ITPR3: variants seen among roughly 807,000 people sequenced by gnomAD.
ITPR3 encodes inositol 1,4,5-trisphosphate receptor type 3, also known as inositol 1,4,5-trisphosphate-gated calcium channel ITPR3.
Under a neutral mutation model 293.2 loss-of-function variants are expected in ITPR3, and 173 were observed. The observed-to-expected ratio is 0.59, with a 90% confidence interval of 0.52 to 0.67. ITPR3 has a LOEUF of 0.67. Ranked by LOEUF, ITPR3 falls within the 30% of genes least tolerant of loss-of-function variation. The pLI is 0.00. For missense variants in ITPR3, 2,796 were observed against 3,592.1 expected, an observed-to-expected ratio of 0.78 and a Z score of 5.66; for synonymous variants, 1,295 against 1,444.4, an observed-to-expected ratio of 0.90 and a Z score of 2.35.
At position 33,658,107 on chromosome 6, in the gene ITPR3, C is replaced by T; in HGVS notation, c.369+89C>T. The T allele has an allele frequency of 1.8e-6, 2 of 1,135,394 alleles. No individual in the cohort carries two copies. Among genetic ancestry groups the T allele is most frequent in the Non-Finnish European group, 2.6e-6 (2 of 764,834 alleles). 70.3% of individuals were successfully genotyped at this position (1,135,394 alleles called of 1,614,324 possible). On this transcript the variant is annotated intron_variant, in intron 4 of 57. Transcript: ENST00000605930. The surrounding 1 kb of genome is among the most constrained non-coding windows in gnomAD (Gnocchi z 6.1). Reference sequence around the variant, plus strand: ...GGGTGAGGGCTGCCAGCAGGCATTGCCCTCTGTGCATGTGTGTCCCCGGGT... The same window carrying T: ...GGGTGAGGGCTGCCAGCAGGCATTGTCCTCTGTGCATGTGTGTCCCCGGGT...
Position 33,626,657 on chromosome 6 carries a change from G to A in ITPR3, c.89+4966G>A, listed in dbSNP as rs1324605677. Among the ~76,000 whole-genome samples the A allele has an allele frequency of 2.0e-5, 3 of 152,308 alleles. No homozygotes were observed. In the East Asian group the frequency reaches 5.8e-4, roughly 29 times the overall value. On this transcript the variant is annotated intron_variant, in intron 1 of 57. Transcript: ENST00000605930. ...TGTTTTAGGCACTGCAGAATCAGTG[G>A]TACCCAAGGCACAGGTCCAGCTTGT...
At chr6:33,647,064 T>C (rs1040279032) in intron 2 of ITPR3, among the ~76,000 whole-genome samples, 1 of 152,218 alleles carries the variant, frequency 6.6e-6, no homozygotes, top group Non-Finnish European at 1.5e-5. Flanking sequence ...TCTTGCTTTG[T>C]TGCCCAGGTC....
chr6:33,674,268 G>A lies in ITPR3; in HGVS notation c.3116+3G>A. 7 of 1,613,940 alleles carry A rather than the reference G, an allele frequency of 4.3e-6. No individual in the cohort carries two copies. Among genetic ancestry groups the A allele is most frequent in the Non-Finnish European group, 5.9e-6 (7 of 1,179,916 alleles). On this transcript the variant is annotated splice_donor_region_variant and intron_variant, in intron 24 of 57. Transcript: ENST00000605930. ...GCGGAGGCCATGTTTGGAGTGGGGT[G>A]AGGCCAGGGTTGAGCTGCAGGGGTG... is the stretch of plus-strand genomic sequence containing the variant.
In ITPR3 at chr6:33,690,117, C is replaced by T. The variant is rs147985768; in HGVS notation, c.6951C>T (p.Asp2317=). The T allele has an allele frequency of 7.7e-5, 125 of 1,614,064 alleles. No homozygotes were observed. Among genetic ancestry groups the T allele is most frequent in the Admixed American group, 1.2e-4 (7 of 60,008 alleles). The change falls in exon 51 of 58, where the codon GAC becomes GAT. Residue 2317 remains aspartate (D), a synonymous_variant. Coordinates refer to ENST00000605930, the MANE Select transcript of ITPR3 (RefSeq NM_002224.4). ...GGGGCTATAAGGCCATGGTCATGGA[C>T]ATGGAATTCCTCTACCACGTGGGCT... is the stretch of plus-strand genomic sequence containing the variant. ...FIRGYKAMVM[D]MEFLYHVGYI... is the part of the protein sequence containing the mutation.
Position 33,658,683 on chromosome 6 carries a change from A to C in ITPR3, c.383A>C (p.Lys128Thr). ...YGSVIQLLHM[K>T]SNKYLTVNKR... is the part of the protein sequence containing the mutation. The stretch of plus-strand genomic sequence containing the variant: ...CCTGACCCCCAGCTCCTGCACATGA[A>C]GAGCAACAAGTACCTGACAGTGAAC... The change falls in exon 5 of 58, where the codon AAG becomes ACG. Residue 128 changes from lysine to threonine, a missense_variant. Physicochemically the swap from Lys to Thr is moderately conservative, Grantham distance 78 (BLOSUM62 -1). Transcript: ENST00000605930. The surrounding 1 kb of genome is among the most constrained non-coding windows in gnomAD (Gnocchi z 6.1). The C allele has an allele frequency of 6.2e-7, 1 of 1,614,078 alleles. No individual in the cohort carries two copies.
intron 8 of ITPR3, 26 bp from the exon 9 acceptor site, chr6:33,662,885 C>A: frequency 6.4e-7 from 1 of 1,566,408 alleles, no homozygotes; most frequent in Non-Finnish European, 8.7e-7. Flanking sequence ...GTCTCTCCTT[C>A]CTGCCTCACA....
Position 33,673,704 on chromosome 6 carries a change from T to C in ITPR3, c.3042T>C (p.Pro1014=), listed in dbSNP as rs757350272. The change falls in exon 23 of 58, where the codon CCT becomes CCC. Residue 1014 remains proline (P), a synonymous_variant. Coordinates refer to ENST00000605930, the MANE Select transcript of ITPR3 (RefSeq NM_002224.4). ...MQDSGADGTA[P]AFDSTTANMN... Reference sequence around the variant, plus strand: ...ACAGTGGGGCTGATGGCACAGCCCCTGCCTTCGACTCTACCAGTAAGCCCC... The same window carrying C: ...ACAGTGGGGCTGATGGCACAGCCCCCGCCTTCGACTCTACCAGTAAGCCCC... The C allele has an allele frequency of 3.7e-6, 6 of 1,614,146 alleles. No individual in the cohort carries two copies. Among genetic ancestry groups the C allele is most frequent in the East Asian group, 2.2e-5 (1 of 44,888 alleles).
At position 33,665,974 on chromosome 6, in the gene ITPR3, C is replaced by G; in HGVS notation, c.1549C>G (p.Gln517Glu). 6.2e-7 allele frequency: 1 copy of G among 1,604,254 alleles called. No homozygotes were observed. The highest frequency in any genetic ancestry group is 8.5e-7 in the Non-Finnish European group (1 of 1,175,154). ...GATGAGGGAGCAGAACATCCTCAAACAGGTGCGTGTGCACCCATGAGGGGA... is the reference window on the plus strand; with the variant it reads ...GATGAGGGAGCAGAACATCCTCAAAGAGGTGCGTGTGCACCCATGAGGGGA... Reference protein sequence around the residue: ...KLMREQNILKQVFGILKAPFR... With the variant: ...KLMREQNILKEVFGILKAPFR... Residue 517 changes from glutamine to glutamate, a missense_variant and splice_region_variant, in exon 14 of 58, where the codon CAG becomes GAG. Around this residue, in one of 8 missense-constraint regions of ITPR3, gnomAD observed 955 missense variants for 1,180.8 expected, o/e 0.81. Coordinates refer to ENST00000605930, the MANE Select transcript of ITPR3 (RefSeq NM_002224.4).
rs911600964 is a variant in ITPR3 at position 33,675,615 on chromosome 6, C to T, written c.3117-76C>T. The T allele has an allele frequency of 2.0e-6, 3 of 1,478,656 alleles. No homozygotes were observed. Among genetic ancestry groups the T allele is most frequent in the Non-Finnish European group, 1.8e-6 (2 of 1,106,148 alleles). 91.6% of individuals were successfully genotyped at this position (1,478,656 alleles called of 1,614,324 possible). A position where few individuals can be genotyped will look rare whatever the true frequency, so the allele number is the denominator to read the frequency against. ...TGGGTGGCGGAGAGTGTGCTTGTGC[C>T]AGGGCCCCTTACCCACCACGGACAG... is the stretch of plus-strand genomic sequence containing the variant. On this transcript the variant is annotated intron_variant, in intron 24 of 57. Transcript: ENST00000605930. The surrounding 1 kb of genome is among the most constrained non-coding windows in gnomAD (Gnocchi z 5.0).
Position 33,688,291 on chromosome 6 carries a change from T to A in ITPR3, c.6428T>A (p.Ile2143Asn), listed in dbSNP as rs1483630466. 2 of 1,614,190 alleles carry A rather than the reference T, an allele frequency of 1.2e-6. No homozygotes were observed. Among genetic ancestry groups the A allele is most frequent in the Non-Finnish European group, 1.7e-6 (2 of 1,180,012 alleles). ...CAGATCGTGTTCCCAGTGCCCGGCATCTGCCAGTTCCTGACGGAGGAAACC... is the reference window on the plus strand; with the variant it reads ...CAGATCGTGTTCCCAGTGCCCGGCAACTGCCAGTTCCTGACGGAGGAAACC... ...MEQIVFPVPG[I>N]CQFLTEETKH... is the part of the protein sequence containing the mutation. Residue 2143 changes from isoleucine to asparagine, a missense_variant, in exon 48 of 58, where the codon ATC becomes AAC. Around this residue, in one of 8 missense-constraint regions of ITPR3, gnomAD observed 568 missense variants for 796.1 expected, o/e 0.71. Transcript: ENST00000605930.
chr6:33,659,156 C>T (rs201866396), intron 6 of ITPR3, 37 bp downstream of exon 6: 35 of 1,559,726 alleles, frequency 2.2e-5, no homozygotes, highest in Non-Finnish European at 2.9e-5. Context: ...AGTGCAGGGA[C>T]GTCCACACAC....
Position 33,680,558 on chromosome 6 carries a change from T to C in ITPR3, c.4354T>C (p.Cys1452Arg), listed in dbSNP as rs139786929. The C allele has an allele frequency of 6.2e-6, 10 of 1,613,700 alleles. No individual in the cohort carries two copies. The African/African-American group carries it at 1.3e-4, about 22-fold the overall frequency. The change falls in exon 33 of 58, where the codon TGC becomes CGC. Residue 1452 changes from cysteine (C) to arginine (R), a missense_variant. Coordinates refer to ENST00000605930, the MANE Select transcript of ITPR3 (RefSeq NM_002224.4). Reference protein sequence around the residue: ...ENFTLDMARVCSKREKRVADP... With the variant: ...ENFTLDMARVRSKREKRVADP... Reference sequence around the variant, plus strand: ...CCATCCCTCTCTCCTGCCTCAGGTCTGCAGCAAGCGTGAGAAGCGCGTGGC... The same window carrying C: ...CCATCCCTCTCTCCTGCCTCAGGTCCGCAGCAAGCGTGAGAAGCGCGTGGC...
rs9469554 is a variant in ITPR3 at position 33,680,320 on chromosome 6, A to G, written c.4225-9A>G. ...TGCTTGCGCCCCTGACCTCCCGCCC[A>G]CTGCCCAGGTGAAAATGGCCTATGT... On this transcript the variant is annotated splice_polypyrimidine_tract_variant and intron_variant, in intron 31 of 57. Transcript: ENST00000605930. 0.17 allele frequency: 266,748 copies of G among 1,611,072 alleles called. 23,613 individuals carry two copies. The highest frequency in any genetic ancestry group is 0.19 in the Middle Eastern group (1,141 of 6,048).
At chr6:33,668,867 TG>T in intron 17 of ITPR3, 106 bp from the exon 18 acceptor site, 1 of 1,276,132 alleles carries the variant, frequency 7.8e-7, no homozygotes, top group Non-Finnish European at 1.1e-6. Flanking sequence ...ATGGTCTCTC[TG>T]GGTCCCCGTG....
rs1765254606 is a variant in ITPR3 at position 33,687,198 on chromosome 6, A to G, written c.6076-28A>G. ...GCTGGCCCTACCGCCCTAGGAAGAG[A>G]GCATTGGAACAGGCACTGCCCCTCC... On this transcript the variant is annotated intron_variant, in intron 44 of 57. Coordinates refer to ENST00000605930, the MANE Select transcript of ITPR3 (RefSeq NM_002224.4). This position sits in a 1 kb window ranked among gnomAD's most constrained non-coding sequence, Gnocchi z 5.3. 6.3e-7 allele frequency: 1 copy of G among 1,597,398 alleles called. No individual in the cohort carries two copies. The highest frequency in any genetic ancestry group is 8.6e-7 in the Non-Finnish European group (1 of 1,165,416).
chr6:33,677,015 C>T lies in ITPR3; in HGVS notation c.3448C>T (p.Arg1150Cys), dbSNP rs200600553. ...EAGAAKDKKE[R>C]PTDEEGFLHP... ...ATCTCCTTCCTCTCTCTGCTTTCAG[C>T]GTCCCACGGACGAGGAGGGCTTTCT... The change falls in exon 27 of 58, where the codon CGT (arginine) becomes TGT (cysteine). Residue 1150 changes from arginine (R) to cysteine (C), a missense_variant and splice_region_variant. Arg to Cys is a radical substitution (Grantham distance 180). Coordinates refer to ENST00000605930, the MANE Select transcript of ITPR3 (RefSeq NM_002224.4). The T allele has an allele frequency of 3.1e-5, 50 of 1,614,120 alleles. No individual in the cohort carries two copies. Among genetic ancestry groups the T allele is most frequent in the Non-Finnish European group, 4.1e-5 (48 of 1,179,980 alleles).
At position 33,664,123 on chromosome 6, in the gene ITPR3, A is replaced by G. The variant is rs1025259632; in HGVS notation, c.1148+243A>G. On this transcript the variant is annotated intron_variant, in intron 11 of 57. Transcript: ENST00000605930. The surrounding 1 kb of genome is among the most constrained non-coding windows in gnomAD (Gnocchi z 4.4). Reference sequence around the variant, plus strand: ...GTCTGGGTGCTCAAGCACAGGCTGCATGGCAGTTTGTCTAGGACACCAGCA... The same window carrying G: ...GTCTGGGTGCTCAAGCACAGGCTGCGTGGCAGTTTGTCTAGGACACCAGCA... 2.0e-5 allele frequency among the ~76,000 whole-genome samples: 3 copies of G among 152,190 alleles called. No homozygotes were observed. The highest frequency in any genetic ancestry group is 6.5e-5 in the Admixed American group (1 of 15,288).
rs149682497 is a variant in ITPR3, at chr6:33,672,044, G to C, written c.2744G>C (p.Arg915Pro). The C allele has an allele frequency of 6.2e-7, 1 of 1,606,068 alleles. No homozygotes were observed. Among genetic ancestry groups the C allele is most frequent in the Admixed American group, 1.7e-5 (1 of 59,424 alleles). ...CCCTCCACAGGCAAGAATGTGCGGC[G>C]GTCCATCCAGGGCGTGGGGCACATG... is the stretch of plus-strand genomic sequence containing the variant. ...YEDPGGKNVR[R>P]SIQGVGHMMS... is the part of the protein sequence containing the mutation. Residue 915 changes from arginine (R) to proline (P), a missense_variant, in exon 22 of 58, where the codon CGG becomes CCG. Physicochemically the swap from Arg to Pro is moderately radical, Grantham distance 103. Around this residue, in one of 8 missense-constraint regions of ITPR3, gnomAD observed 955 missense variants for 1,180.8 expected, o/e 0.81. Coordinates refer to ENST00000605930, the MANE Select transcript of ITPR3 (RefSeq NM_002224.4). This position sits in a 1 kb window ranked among gnomAD's most constrained non-coding sequence, Gnocchi z 5.0.
rs2127272721 is a variant in ITPR3 at position 33,664,547 on chromosome 6, G to A, written c.1149-323G>A. Among the ~76,000 whole-genome samples the A allele has an allele frequency of 6.6e-6, 1 of 152,334 alleles. No homozygotes were observed. Among genetic ancestry groups the A allele is most frequent in the East Asian group, 1.9e-4 (1 of 5,190 alleles). On this transcript the variant is annotated intron_variant, in intron 11 of 57. Transcript: ENST00000605930. The surrounding 1 kb of genome is among the most constrained non-coding windows in gnomAD (Gnocchi z 4.4). ...AAATGTGTGCATCTTGACATTCAAT[G>A]GGATAAATAGTTAAATAGCCTCATT...
Sources: gnomAD v4.1 joint callset for allele counts (sites outside exome capture counted in the v4.1 genomes callset) on GRCh38, gnomAD v4.1.1 for gene constraint, gnomAD v4.1.1 regional missense constraint, Gnocchi (gnomAD v3.1) non-coding constraint, MANE v1.5 for transcripts, NCBI Gene and HGNC (gene_info 2026-07-23, HGNC 2026-07-21) for gene names.